Variants in ZNF469 observed in about 807,000 individuals in gnomAD.
ZNF469 encodes zinc finger protein 469.
In ZNF469, 1 loss-of-function variant was observed where a neutral mutation model predicts 1.0. That is an observed-to-expected ratio of 1.00 (90% CI 0.35 to 4.73). ZNF469 has a LOEUF of 4.73. ZNF469 is among the 30% of genes most tolerant of loss of function. The probability of loss-of-function intolerance (pLI) is 0.16; values close to 1 mark genes in which losing one functional copy is unlikely to be tolerated. For missense variants in ZNF469, 6,100 were observed against 5,356.3 expected (o/e 1.14, Z -4.33); for synonymous variants, 2,703 against 2,363.4 (o/e 1.14, Z -4.17).
chr16:88,190,313 G>T, the ZNF469 span, among the ~76,000 whole-genome samples: 1 of 152,232 alleles, frequency 6.6e-6, no homozygotes, highest in African/African-American at 2.4e-5. Context: ...GAAACCCTTG[G>T]CACTTGCCTG....
the ZNF469 span, among the ~76,000 whole-genome samples, chr16:88,298,334 G>A: frequency 1.3e-5 from 2 of 152,118 alleles, no homozygotes; most frequent in African/African-American, 4.8e-5. Flanking sequence ...CTTCTGCCTC[G>A]AGGAGCTGTG....
the ZNF469 span, among the ~76,000 whole-genome samples, chr16:88,346,021 G>A: frequency 2.0e-5 from 3 of 152,212 alleles, no homozygotes; most frequent in African/African-American, 7.2e-5. Context: ...CGTGAGAGGT[G>A]GGGCTCTGGA....
chr16:88,381,241 CAG>C (rs2092523728), upstream of ZNF469, among the ~76,000 whole-genome samples: 2 of 150,526 alleles, frequency 1.3e-5, no homozygotes, highest in South Asian at 4.2e-4. Context: ...CACGCACTCA[CAG>C]ACATGCACTC....
At chr16:88,334,924 G>A in the ZNF469 span, among the ~76,000 whole-genome samples, 2 of 151,876 alleles carry the variant, frequency 1.3e-5, no homozygotes, top group Admixed American at 1.3e-4. Flanking sequence ...GGATGTGGGA[G>A]CCGTGAAGGA....
At position 88,431,319 on chromosome 16, in the gene ZNF469, C is replaced by T. The variant is rs1447426720; in HGVS notation, c.3849C>T (p.Ser1283=). 2 of 1,549,652 alleles carry T rather than the reference C, an allele frequency of 1.3e-6. No individual in the cohort carries two copies. The highest frequency in any genetic ancestry group is 2.7e-5 in the African/African-American group (2 of 73,062). ...CCGGCACCCCCAAGCCGTCGGGAAGCCTCGCCAACACGGCGCCCCACGGAA... is the reference window on the plus strand; with the variant it reads ...CCGGCACCCCCAAGCCGTCGGGAAGTCTCGCCAACACGGCGCCCCACGGAA... ...HDTGTPKPSG[S]LANTAPHGSS... The change falls in exon 3 of 3, where the codon AGC becomes AGT. Residue 1283 remains serine, a synonymous_variant. Coordinates refer to ENST00000565624, the MANE Select transcript of ZNF469 (RefSeq NM_001367624.2).
the ZNF469 span, among the ~76,000 whole-genome samples, chr16:88,335,881 C>A: frequency 1.4e-4 from 21 of 151,940 alleles, no homozygotes; most frequent in African/African-American, 4.8e-4. Flanking sequence ...CACACACATT[C>A]ATCCTTCACG....
chr16:88,180,448 G>C, the ZNF469 span, among the ~76,000 whole-genome samples: 1 of 152,202 alleles, frequency 6.6e-6, no homozygotes, highest in South Asian at 2.1e-4. Context: ...AATATTACCA[G>C]AGATGAATAG....
the ZNF469 span, among the ~76,000 whole-genome samples, chr16:88,316,143 T>G: frequency 2.6e-5 from 4 of 152,234 alleles, no homozygotes; most frequent in African/African-American, 9.6e-5. Flanking sequence ...CAGGAGCAGC[T>G]TCCCCCAGGT....
chr16:88,439,131 G>A lies in ZNF469; in HGVS notation c.11661G>A (p.Arg3887=), dbSNP rs1477098192. The A allele has an allele frequency of 1.9e-6, 3 of 1,550,852 alleles. No homozygotes were observed. The highest frequency in any genetic ancestry group is 2.4e-5 in the South Asian group (2 of 84,064). ...AGGCAGAGCCGGGCCACACACAGAG[G>A]AAGGACAGACTGGGCAAGGCCTTCC... ...QRKAEPGHTQ[R]KDRLGKAFPQ... The change falls in exon 3 of 3, where the codon AGG becomes AGA. Residue 3887 remains arginine (R), a synonymous_variant. Coordinates refer to ENST00000565624, the MANE Select transcript of ZNF469 (RefSeq NM_001367624.2).
chr16:88,315,764 G>C, the ZNF469 span, among the ~76,000 whole-genome samples: 2 of 152,198 alleles, frequency 1.3e-5, no homozygotes, highest in Non-Finnish European at 2.9e-5. Flanking sequence ...CCTGGCCTGG[G>C]TTGGTTTCCA....
At chr16:88,153,410 G>T in the ZNF469 span, among the ~76,000 whole-genome samples, 3 of 152,210 alleles carry the variant, frequency 2.0e-5, no homozygotes, top group African/African-American at 7.2e-5. Context: ...CCTTGGTATC[G>T]GTGATGCTAC....
chr16:88,415,679 G>C (rs1044841409), intron 1 of ZNF469, among the ~76,000 whole-genome samples: 68 of 152,362 alleles, frequency 4.5e-4, no homozygotes, highest in African/African-American at 1.6e-3. Context: ...GCGCCCGGAA[G>C]TGACCAGAGC....
the ZNF469 span, among the ~76,000 whole-genome samples, chr16:88,202,338 C>T: frequency 1.3e-5 from 2 of 152,168 alleles, no homozygotes; most frequent in Non-Finnish European, 2.9e-5. Context: ...CGCTTTGGCT[C>T]GGGCTCAGGA....
chr16:88,124,369 G>C, the ZNF469 span, among the ~76,000 whole-genome samples: 11 of 152,038 alleles, frequency 7.2e-5, no homozygotes, highest in Middle Eastern at 3.2e-3. Flanking sequence ...GGGACTTCAG[G>C]CACATGCCAT....
the ZNF469 span, among the ~76,000 whole-genome samples, chr16:88,110,819 G>T: frequency 6.6e-6 from 1 of 152,264 alleles, no homozygotes; most frequent in Non-Finnish European, 1.5e-5. Context: ...TCCACGAGGG[G>T]CCCAGGGCAG....
chr16:88,315,253 C>T, the ZNF469 span, among the ~76,000 whole-genome samples: 6 of 152,210 alleles, frequency 3.9e-5, no homozygotes, highest in Non-Finnish European at 7.4e-5. Context: ...TCTGTGTGGT[C>T]GGAGTGTTGG....
chr16:88,157,547 C>T, the ZNF469 span, among the ~76,000 whole-genome samples: 8,237 of 152,074 alleles, frequency 0.054, 343 homozygotes, highest in East Asian at 0.16. Flanking sequence ...ATCTCTCCTC[C>T]ACCCTCCGCC....
the ZNF469 span, among the ~76,000 whole-genome samples, chr16:88,350,102 C>T: frequency 6.6e-6 from 1 of 152,156 alleles, no homozygotes; most frequent in South Asian, 2.1e-4. Context: ...GCAGTTCCTC[C>T]CGCCCCCCTT....
chr16:88,231,958 G>C, the ZNF469 span, among the ~76,000 whole-genome samples: 35,781 of 152,088 alleles, frequency 0.24, 5,337 homozygotes, highest in African/African-American at 0.42. This position sits in a 1 kb window ranked among gnomAD's most constrained non-coding sequence, Gnocchi z 4.5. Flanking sequence ...GCCGCAGGAG[G>C]CAGGGAATGA....
Sources: allele counts gnomAD v4.1 joint callset (sites outside exome capture counted in the v4.1 genomes callset), GRCh38; gene constraint gnomAD v4.1.1; non-coding constraint Gnocchi (gnomAD v3.1); transcripts MANE v1.5; gene names NCBI Gene and HGNC (gene_info 2026-07-23, HGNC 2026-07-21).